CUL4A: variants seen among roughly 807,000 people sequenced by gnomAD.
The protein encoded by CUL4A is cullin-4A.
CUL4A carries 16 observed loss-of-function variants against 95.5 expected under a neutral mutation model. That is an observed-to-expected ratio of 0.17 (90% CI 0.11 to 0.25). The LOEUF is 0.25. Among genes scored for constraint, CUL4A ranks in the 10% least tolerant of loss-of-function variants. The pLI is 1.00. For missense variants in CUL4A, 610 were observed against 937.0 expected (o/e 0.65, Z 4.56); for synonymous variants, 380 against 353.1 (o/e 1.08, Z -0.85).
rs1435813291 is a variant in CUL4A at position 113,266,915 on chromosome 13, A to G, written c.*3333A>G. The G allele has an allele frequency of 6.6e-6, 1 of 152,238 alleles. No individual in the cohort carries two copies. Among genetic ancestry groups the G allele is most frequent in the Non-Finnish European group, 1.5e-5 (1 of 68,042 alleles). 9.4% of individuals were successfully genotyped at this position (152,238 alleles called of 1,614,324 possible). A position where few individuals can be genotyped will look rare whatever the true frequency, so the allele number is the denominator to read the frequency against. The stretch of plus-strand genomic sequence containing the variant: ...AATTTATAGAGTATAAAGTGATCTT[A>G]TAAATTATGCATACATTGTGGACTA... On this transcript the variant is annotated 3_prime_UTR_variant, in exon 20 of 20. Transcript: ENST00000375440.
intron 15 of CUL4A, 31 bp from the exon 16 acceptor site, chr13:113,253,051 C>A: frequency 9.0e-7 from 1 of 1,114,532 alleles, no homozygotes; most frequent in Non-Finnish European, 1.3e-6. Flanking sequence ...TGGTGTGTGG[C>A]ATAATTTTGT....
intron 3 of CUL4A, among the ~76,000 whole-genome samples, chr13:113,227,702 G>A (rs760338326): frequency 1.3e-4 from 20 of 152,038 alleles, no homozygotes; most frequent in Non-Finnish European, 1.8e-4. Context: ...TCAGGAGTTC[G>A]AGATCAGCCT....
Position 113,254,767 on chromosome 13 carries a change from C to T in CUL4A, c.1827C>T (p.Ser609=). 1.9e-6 allele frequency: 3 copies of T among 1,613,734 alleles called. No homozygotes were observed. In the South Asian group the frequency reaches 3.3e-5, roughly 18 times the overall value. ...LLMFNEGDGF[S]FEEIKMATGI... ...TGTTCAACGAGGGAGATGGCTTCAG[C>T]TTTGAGGAGATAAAAATGGCCACGG... The change falls in exon 17 of 20, where the codon AGC becomes AGT. Residue 609 remains serine (S), a synonymous_variant. Coordinates refer to ENST00000375440, the MANE Select transcript of CUL4A (RefSeq NM_001008895.4).
At chr13:113,228,767 G>A (rs1445843094) in intron 4 of CUL4A, among the ~76,000 whole-genome samples, 2 of 151,926 alleles carry the variant, frequency 1.3e-5, no homozygotes, top group Admixed American at 6.6e-5. Context: ...AGGAACTCAG[G>A]TTTTAAAAGC....
intron 3 of CUL4A, among the ~76,000 whole-genome samples, chr13:113,227,082 C>T (rs1309820580): frequency 2.6e-5 from 4 of 152,084 alleles, no homozygotes; most frequent in African/African-American, 9.7e-5. Flanking sequence ...GAGGGAGTGG[C>T]GAGCGGCCAG....
intron 15 of CUL4A, among the ~76,000 whole-genome samples, chr13:113,252,665 C>A (rs921264460): frequency 6.6e-6 from 1 of 152,348 alleles, no homozygotes; most frequent in East Asian, 1.9e-4. Flanking sequence ...GTGGTGTCAC[C>A]CTTCACAGAT....
chr13:113,239,059 A>C (rs1204921268), intron 9 of CUL4A, among the ~76,000 whole-genome samples: 1 of 152,226 alleles, frequency 6.6e-6, no homozygotes, highest in African/African-American at 2.4e-5. Context: ...ATTAGATTTG[A>C]TAGCTTGTCC....
intron 9 of CUL4A, among the ~76,000 whole-genome samples, chr13:113,238,821 A>G (rs919209329): frequency 3.9e-5 from 6 of 152,212 alleles, no homozygotes; most frequent in African/African-American, 1.4e-4. Flanking sequence ...ACTGTTCACC[A>G]TTTTATGCTT....
chr13:113,236,693 T>A (rs2041556665), intron 8 of CUL4A, 130 bp from the exon 9 acceptor site: 1 of 547,582 alleles, frequency 1.8e-6, no homozygotes, highest in Admixed American at 3.7e-5. Context: ...CATGAGGAAA[T>A]GTTCTTAACC....
intron 2 of CUL4A, among the ~76,000 whole-genome samples, chr13:113,218,153 G>A (rs1438854741): frequency 1.3e-5 from 2 of 152,088 alleles, no homozygotes; most frequent in African/African-American, 4.8e-5. Context: ...CAGGAGAATC[G>A]CTTGAACCCG....
chr13:113,208,722 T>A, upstream of CUL4A: 1 of 1,506,136 alleles, frequency 6.6e-7, no homozygotes, highest in Non-Finnish European at 8.9e-7. Context: ...GTCTGGGTCC[T>A]GGCGCCCCCG....
At position 113,245,049 on chromosome 13, in the gene CUL4A, G is replaced by A; in HGVS notation, c.1434G>A (p.Lys478=). The change falls in exon 13 of 20, where the codon AAG becomes AAA. Residue 478 remains lysine, a synonymous_variant. Transcript: ENST00000375440. The part of the protein sequence containing the change: ...SVDAEKSMLS[K]LKHECGAAFT... ...ATGCTGAAAAGTCTATGTTGTCAAA[G>A]CTCAAGCATGGTAAGTATGTGGGGC... 6.2e-7 allele frequency: 1 copy of A among 1,613,874 alleles called. No homozygotes were observed. The highest frequency in any genetic ancestry group is 2.2e-5 in the East Asian group (1 of 44,896).
intron 18 of CUL4A, among the ~76,000 whole-genome samples, chr13:113,257,453 A>G (rs2042158807): frequency 2.0e-5 from 3 of 152,224 alleles, no homozygotes; most frequent in Non-Finnish European, 1.5e-5. Context: ...TACAGGAAGC[A>G]TGGTGCCAGC....
intron 5 of CUL4A, among the ~76,000 whole-genome samples, chr13:113,232,865 G>C (rs903213467): frequency 6.6e-6 from 1 of 152,072 alleles, no homozygotes; most frequent in African/African-American, 2.4e-5. Context: ...GTCTCCCGTC[G>C]CTCAGCAGGA....
At chr13:113,235,587 T>G (rs2041510962) in intron 8 of CUL4A, among the ~76,000 whole-genome samples, 1 of 152,078 alleles carries the variant, frequency 6.6e-6, no homozygotes, top group African/African-American at 2.4e-5. Flanking sequence ...AGGGAGAGAT[T>G]ATGTGAGCGT....
intron 15 of CUL4A, among the ~76,000 whole-genome samples, chr13:113,249,706 G>A (rs924211196): frequency 6.6e-6 from 1 of 152,224 alleles, no homozygotes; most frequent in African/African-American, 2.4e-5. Flanking sequence ...GGCTGCAGCA[G>A]CTTTTATTCC....
Position 113,229,528 on chromosome 13 carries a change from C to A in CUL4A, c.512+9C>A. Reference sequence around the variant, plus strand: ...ACGCTGCCCTCCATCTGGTGAGTGTCCTCACAGCGCAGAGCTGCGTCTTCC... The same window carrying A: ...ACGCTGCCCTCCATCTGGTGAGTGTACTCACAGCGCAGAGCTGCGTCTTCC... On this transcript the variant is annotated intron_variant, in intron 5 of 19. Transcript: ENST00000375440. 1.2e-6 allele frequency: 2 copies of A among 1,610,858 alleles called. No homozygotes were observed. The highest frequency in any genetic ancestry group is 1.7e-6 in the Non-Finnish European group (2 of 1,178,374).
At chr13:113,213,887 G>T (rs1014934338) in intron 2 of CUL4A, among the ~76,000 whole-genome samples, 1 of 152,188 alleles carries the variant, frequency 6.6e-6, no homozygotes, top group East Asian at 1.9e-4. Context: ...CGCACAGGTG[G>T]GCTTCTGGCC....
intron 3 of CUL4A, among the ~76,000 whole-genome samples, chr13:113,223,649 G>A (rs527790556): frequency 3.3e-5 from 5 of 152,250 alleles, no homozygotes; most frequent in South Asian, 2.1e-4. Context: ...TGCCTGCTTC[G>A]ACCTCCCAAA....
Sources: gnomAD v4.1 joint callset for allele counts (sites outside exome capture counted in the v4.1 genomes callset) on GRCh38, gnomAD v4.1.1 for gene constraint, MANE v1.5 for transcripts, NCBI Gene and HGNC (gene_info 2026-07-23, HGNC 2026-07-21) for gene names.